The following RARB variants were observed in gnomAD, a reference collection of about 807,000 sequenced individuals.
RARB encodes the protein retinoic acid receptor beta.
RARB carries 17 observed loss-of-function variants against 51.9 expected under a neutral mutation model. That is an observed-to-expected ratio of 0.33 (90% CI 0.22 to 0.49). The LOEUF (loss-of-function observed/expected upper bound fraction) is 0.49, where lower values mean the gene tolerates loss of function less well. Ranked by LOEUF, RARB falls within the 20% of genes least tolerant of loss-of-function variation. RARB has a pLI of 0.99. For synonymous variants in RARB, 215 were observed against 195.4 expected (o/e 1.10, Z -0.84); for missense variants, 369 against 550.8 (o/e 0.67, Z 3.30).
chr3:25,263,652 A>G (rs1364623689), intron 5 of RARB, among the ~76,000 whole-genome samples: 1 of 152,172 alleles, frequency 6.6e-6, no homozygotes, highest in Non-Finnish European at 1.5e-5. Flanking sequence ...TTGTCTTTCA[A>G]AGCCACCTTG....
At chr3:25,000,606 C>T (rs78361845) in intron 2 of RARB, among the ~76,000 whole-genome samples, 3,816 of 152,132 alleles carry the variant, frequency 0.025, 67 homozygotes, top group Non-Finnish European at 0.038. Context: ...CCCCTGGTCT[C>T]TAAGAAAAAT....
chr3:24,929,695 C>G (rs891670809), intron 2 of RARB, among the ~76,000 whole-genome samples: 3 of 152,032 alleles, frequency 2.0e-5, no homozygotes, highest in Admixed American at 6.6e-5. Flanking sequence ...TCTTATTCCT[C>G]TCTACTTTTT....
chr3:25,461,141 G>A, intron 1 of RARB, 52 bp from the exon 2 acceptor site: 3 of 1,496,646 alleles, frequency 2.0e-6, no homozygotes, highest in Admixed American at 2.4e-5. Context: ...AAAAAGTAAT[G>A]AACTAAAATA....
chr3:24,853,182 TG>T (rs1702584500), intron 1 of RARB, among the ~76,000 whole-genome samples: 1 of 147,300 alleles, frequency 6.8e-6, no homozygotes, highest in Non-Finnish European at 1.5e-5. Context: ...CCAGGCATGG[TG>T]GCAGGCACCT....
intron 2 of RARB, among the ~76,000 whole-genome samples, chr3:25,057,477 AATAG>A (rs1465650067): frequency 6.6e-6 from 1 of 152,032 alleles, no homozygotes. Flanking sequence ...CATAAGCAAA[AATAG>A]ATAGAAAAAT....
chr3:25,405,058 G>T (rs939608070), intron 5 of RARB, among the ~76,000 whole-genome samples: 6 of 152,262 alleles, frequency 3.9e-5, no homozygotes, highest in Admixed American at 1.3e-4. Context: ...AATGGCATTT[G>T]CAGGTTTCAT....
chr3:25,565,607 A>G (rs1332473545), intron 3 of RARB, among the ~76,000 whole-genome samples: 1 of 152,212 alleles, frequency 6.6e-6, no homozygotes, highest in Non-Finnish European at 1.5e-5. Context: ...CAATGAAGGA[A>G]CAAATGAATC....
intron 5 of RARB, among the ~76,000 whole-genome samples, chr3:25,288,562 G>A (rs775985078): frequency 3.3e-5 from 5 of 152,160 alleles, no homozygotes; most frequent in Admixed American, 3.3e-4. Flanking sequence ...CAATTTGCAT[G>A]TGTGAGTGAT....
At chr3:25,124,931 A>G (rs1660785108) in intron 3 of RARB, among the ~76,000 whole-genome samples, 1 of 152,216 alleles carries the variant, frequency 6.6e-6, no homozygotes, top group Non-Finnish European at 1.5e-5. Flanking sequence ...TTTGGTTAAT[A>G]TAGAAGAAGG....
intron 5 of RARB, among the ~76,000 whole-genome samples, chr3:25,261,968 A>G (rs1056086658): frequency 9.9e-5 from 15 of 151,982 alleles, no homozygotes; most frequent in African/African-American, 3.4e-4. Flanking sequence ...AACCCATCCT[A>G]TATCCTCTAA....
intron 3 of RARB, among the ~76,000 whole-genome samples, chr3:25,569,373 A>T (rs1270255237): frequency 6.6e-6 from 1 of 152,180 alleles, no homozygotes. Flanking sequence ...TTGTTCAGAG[A>T]CCTGACCCTT....
intron 3 of RARB, among the ~76,000 whole-genome samples, chr3:25,072,425 G>A (rs1698785836): frequency 6.6e-6 from 1 of 152,110 alleles, no homozygotes; most frequent in African/African-American, 2.4e-5. Flanking sequence ...ACTGTGATGT[G>A]AGCCTCAAGA....
At chr3:25,523,638 G>A (rs1342478385) in intron 3 of RARB, among the ~76,000 whole-genome samples, 1 of 152,154 alleles carries the variant, frequency 6.6e-6, no homozygotes, top group Non-Finnish European at 1.5e-5. Flanking sequence ...TTGTCTGAAA[G>A]TGAGGGACAA....
intron 5 of RARB, among the ~76,000 whole-genome samples, chr3:25,365,091 A>G (rs1205097798): frequency 1.3e-5 from 2 of 151,936 alleles, no homozygotes. Context: ...AAATTCTCCC[A>G]AATGTGGCAG....
At chr3:25,261,913 C>G (rs888586039) in intron 5 of RARB, among the ~76,000 whole-genome samples, 1 of 152,130 alleles carries the variant, frequency 6.6e-6, no homozygotes, top group Non-Finnish European at 1.5e-5. Context: ...CATCTCCCAT[C>G]TCAACCTCTT....
chr3:25,554,918 C>T (rs1426032781), intron 3 of RARB, among the ~76,000 whole-genome samples: 2 of 152,104 alleles, frequency 1.3e-5, no homozygotes, highest in African/African-American at 4.8e-5. Context: ...ATAAAGCCAT[C>T]AGTTCCTCTC....
At chr3:25,074,124 G>C (rs1293175354) in intron 3 of RARB, among the ~76,000 whole-genome samples, 1 of 152,124 alleles carries the variant, frequency 6.6e-6, no homozygotes, top group Admixed American at 6.5e-5. Context: ...CTAAACCAGG[G>C]ATCAAATTAA....
intron 5 of RARB, among the ~76,000 whole-genome samples, chr3:25,362,693 C>A (rs1258902826): frequency 6.6e-6 from 1 of 152,194 alleles, no homozygotes; most frequent in Non-Finnish European, 1.5e-5. Flanking sequence ...ACTCAAGGCA[C>A]AGACCCTCAT....
chr3:25,283,247 G>T (rs746157535), intron 5 of RARB, among the ~76,000 whole-genome samples: 2 of 152,168 alleles, frequency 1.3e-5, no homozygotes, highest in African/African-American at 2.4e-5. Flanking sequence ...TGATGGCAAT[G>T]ACCTCTCACT....
Sources: gnomAD v4.1 joint callset for allele counts (sites outside exome capture counted in the v4.1 genomes callset) on GRCh38, gnomAD v4.1.1 for gene constraint, MANE v1.5 for transcripts, NCBI Gene and HGNC (gene_info 2026-07-23, HGNC 2026-07-21) for gene names.